NME3: variants seen among roughly 807,000 people sequenced by gnomAD.
NME3 encodes nucleoside diphosphate kinase C.
A neutral mutation model predicts 15.8 loss-of-function variants in NME3; 23 were observed. The ratio of observed to expected loss-of-function variants is 1.45; its 90% CI spans 1.05 to 2.06. NME3 has a LOEUF of 2.06. Among genes scored for constraint, NME3 ranks in the 30% most tolerant of loss-of-function variants. The pLI, the probability that NME3 is intolerant of heterozygous loss-of-function variation, is 0.00. For synonymous variants in NME3, 157 were observed against 104.4 expected (o/e 1.50, Z -3.07); for missense variants, 354 against 243.2 (o/e 1.46, Z -3.03).
At chr16:1,771,246 A>ACACCGCGCCCCCGCTCGCT (rs777708137) in intron 2 of NME3, 34 bp downstream of exon 2, 2 of 989,616 alleles carry the variant, frequency 2.0e-6, no homozygotes, top group African/African-American at 1.7e-5. Flanking sequence ...CCTTCCCCCC[A>ACACCGCGCCCCCGCTCGCT]CACCGCGCCC....
At position 1,771,513 on chromosome 16, in the gene NME3, T is replaced by C. The variant is rs2042603354; in HGVS notation, c.22A>G (p.Ile8Val). 1.6e-6 allele frequency: 2 copies of C among 1,277,560 alleles called. No individual in the cohort carries two copies. Among genetic ancestry groups the C allele is most frequent in the Non-Finnish European group, 2.0e-6 (2 of 999,590 alleles). The allele number at this position is 1,277,560 out of a possible 1,614,324, so 79.1% of individuals were successfully genotyped here. A position where few individuals can be genotyped will look rare whatever the true frequency, so the allele number is the denominator to read the frequency against. ...CCCGCGGGGAAGAGGTTAGCGAAGA[T>C]GGTCAGCACCAGGCAGATCATGATG... is the stretch of plus-strand genomic sequence containing the variant. MICLVLT[I>V]FANLFPAACT... Residue 8 changes from isoleucine (I) to valine (V), a missense_variant, in exon 1 of 5, where the codon ATC (isoleucine) becomes GTC (valine). Ile to Val is a conservative substitution (Grantham distance 29). Transcript: ENST00000219302.
intron 4 of NME3, 56 bp from the exon 5 acceptor site, chr16:1,770,822 C>G: frequency 7.6e-6 from 12 of 1,578,986 alleles, no homozygotes; most frequent in Middle Eastern, 1.7e-4. Flanking sequence ...ACGGGTACCA[C>G]GCAGGCTGAA....
rs1333922024 is a variant in NME3, at chr16:1,770,461, CAGGAAACCCTGTACGCCAGGG to C, written c.*167_*187del. 1.7e-5 allele frequency: 8 copies of C among 467,524 alleles called. No homozygotes were observed. The highest frequency in any genetic ancestry group is 2.2e-5 in the Non-Finnish European group (6 of 268,268). The allele number at this position is 467,524 out of a possible 1,614,324, so 29.0% of individuals were successfully genotyped here. ...CAGGCTCCTGGAGCAGCTCCTCGGGCAGGAAACCCTGTACGCCAGGGATTGGAGAGGCCTGCGCCACCCTCC... is the reference window on the plus strand; with the variant it reads ...CAGGCTCCTGGAGCAGCTCCTCGGGCATTGGAGAGGCCTGCGCCACCCTCC... On this transcript the variant is annotated 3_prime_UTR_variant, in exon 5 of 5. Coordinates refer to ENST00000219302, the MANE Select transcript of NME3 (RefSeq NM_002513.3).
In NME3 at chr16:1,771,264, C is replaced by G. The variant is rs749787588; in HGVS notation, c.177+16G>C. 4 of 1,593,602 alleles carry G rather than the reference C, an allele frequency of 2.5e-6. No individual in the cohort carries two copies. In the South Asian group the frequency reaches 4.5e-5, roughly 18 times the overall value. On this transcript the variant is annotated intron_variant, in intron 2 of 4. Transcript: ENST00000219302. The stretch of plus-strand genomic sequence containing the variant: ...TCCCCCCACACCGCGCCCCCGCTCG[C>G]TCACCGCGCCCCCACCTGCACCAGC...
chr16:1,771,414 C>A lies in NME3; in HGVS notation c.47-4G>T. 1 of 1,533,132 alleles carries A rather than the reference C, an allele frequency of 6.5e-7. No homozygotes were observed. The highest frequency in any genetic ancestry group is 2.5e-5 in the East Asian group (1 of 39,514). 95.0% of individuals were successfully genotyped at this position (1,533,132 alleles called of 1,614,324 possible). A position where few individuals can be genotyped will look rare whatever the true frequency, so the allele number is the denominator to read the frequency against. ...CGTTCGTGTGCGCCGGTGCAGGCTG[C>A]GGGGCAGGCGGGGACGGGCCGTCAG... On this transcript the variant is annotated splice_polypyrimidine_tract_variant and splice_region_variant and intron_variant, in intron 1 of 4. Coordinates refer to ENST00000219302, the MANE Select transcript of NME3 (RefSeq NM_002513.3).
chr16:1,770,752 C>T lies in NME3; in HGVS notation c.407G>A (p.Gly136Asp), dbSNP rs868333064. 2.5e-6 allele frequency: 4 copies of T among 1,600,728 alleles called. No individual in the cohort carries two copies. Among genetic ancestry groups the T allele is most frequent in the Admixed American group, 3.4e-5 (2 of 58,684 alleles). ...CIEVGKNLIH[G>D]SDSVESARRE... ...GCGGGCACTCTCCACCGAGTCGCTG[C>T]CGTGAATCAGGTTCCTGCGCGGAAG... The change falls in exon 5 of 5, where the codon GGC becomes GAC. Residue 136 changes from glycine (G) to aspartate (D), a missense_variant. Gly to Asp is a moderately conservative substitution (Grantham distance 94). Transcript: ENST00000219302.
At position 1,770,422 on chromosome 16, in the gene NME3, C is replaced by T. The variant is rs1596834127; in HGVS notation, c.*227G>A. The T allele has an allele frequency of 8.8e-6, 4 of 451,990 alleles. No homozygotes were observed. The East Asian group carries it at 1.4e-4, about 15-fold the overall frequency. 28.0% of individuals were successfully genotyped at this position (451,990 alleles called of 1,614,324 possible). On this transcript the variant is annotated 3_prime_UTR_variant, in exon 5 of 5. Coordinates refer to ENST00000219302, the MANE Select transcript of NME3 (RefSeq NM_002513.3). ...ACCAGGACAGTGTCCTGGCACGTTTCCAGGCGAGCCGCGCAGGCTCCTGGA... is the reference window on the plus strand; with the variant it reads ...ACCAGGACAGTGTCCTGGCACGTTTTCAGGCGAGCCGCGCAGGCTCCTGGA...
In NME3 at chr16:1,770,615, A is replaced by C; in HGVS notation, c.*34T>G. On this transcript the variant is annotated 3_prime_UTR_variant, in exon 5 of 5. Transcript: ENST00000219302. ...CCACCTGGGCCCTGGAGGAGGCTGG[A>C]GTGTGAGAGCCTCTGTGACGCGCAT... 1 of 1,505,844 alleles carries C rather than the reference A, an allele frequency of 6.6e-7. No individual in the cohort carries two copies. Among genetic ancestry groups the C allele is most frequent in the Non-Finnish European group, 9.0e-7 (1 of 1,109,840 alleles). 93.3% of individuals were successfully genotyped at this position (1,505,844 alleles called of 1,614,324 possible). A position where few individuals can be genotyped will look rare whatever the true frequency, so the allele number is the denominator to read the frequency against.
At chr16:1,771,227 C>A in intron 2 of NME3, 53 bp downstream of exon 2, 2 of 1,532,440 alleles carry the variant, frequency 1.3e-6, no homozygotes, top group Non-Finnish European at 1.8e-6. Flanking sequence ...GTCCCCAGGT[C>A]CCCGCTCCCC....
In NME3 at chr16:1,771,492, CG is replaced by C; in HGVS notation, c.42del (p.Ala15ArgfsTer14). 1 of 1,317,846 alleles carries C rather than the reference CG, an allele frequency of 7.6e-7. No homozygotes were observed. The highest frequency in any genetic ancestry group is 9.7e-7 in the Non-Finnish European group (1 of 1,035,288). 81.6% of individuals were successfully genotyped at this position (1,317,846 alleles called of 1,614,324 possible). ...LVLTIFANLF[P>X]AACTGAHERT... ...CGGCCCGCGCCGCGCGGCTCACCCG[CG>C]GGGAAGAGGTTAGCGAAGATGGTCA... On this transcript the variant is annotated frameshift_variant, in exon 1 of 5. Transcript: ENST00000219302. LOFTEE classifies it high-confidence loss of function.
rs764231247 is a variant in NME3 at position 1,771,180 on chromosome 16, G to T, written c.178-9C>A. On this transcript the variant is annotated splice_polypyrimidine_tract_variant and intron_variant, in intron 2 of 4. Transcript: ENST00000219302. ...AGCAGCTCCTCGGAGGCCTGCGGAA[G>T]GGTCAGGCCGCCTGCGCCCGCACCC... 6.3e-7 allele frequency: 1 copy of T among 1,592,328 alleles called. No homozygotes were observed.
chr16:1,771,435 G>C, intron 1 of NME3, 25 bp from the exon 2 acceptor site: 5 of 1,510,632 alleles, frequency 3.3e-6, no homozygotes, highest in Non-Finnish European at 4.4e-6. Flanking sequence ...GGGACGGGCC[G>C]TCAGGCCGGC....
rs114374496 is a variant in NME3, at chr16:1,770,531, G to A, written c.*118C>T. 1,781 of 742,600 alleles carry A rather than the reference G, an allele frequency of 2.4e-3. 24 individuals are homozygous for A. In the African/African-American group the frequency reaches 0.029, roughly 12 times the overall value. The allele number at this position is 742,600 out of a possible 1,614,324, so 46.0% of individuals were successfully genotyped here. On this transcript the variant is annotated 3_prime_UTR_variant, in exon 5 of 5. Transcript: ENST00000219302. Reference sequence around the variant, plus strand: ...CCATGCAACGTCCAGACAGGTGGATGTTCAGCAGCCCGTCCAAAGGGATGC... The same window carrying A: ...CCATGCAACGTCCAGACAGGTGGATATTCAGCAGCCCGTCCAAAGGGATGC...
Position 1,771,473 on chromosome 16 carries a change from G to C in NME3, c.46+16C>G. 7.5e-7 allele frequency: 1 copy of C among 1,329,056 alleles called. No homozygotes were observed. Among genetic ancestry groups the C allele is most frequent in the Non-Finnish European group, 9.6e-7 (1 of 1,044,282 alleles). The allele number at this position is 1,329,056 out of a possible 1,614,324, so 82.3% of individuals were successfully genotyped here. A position where few individuals can be genotyped will look rare whatever the true frequency, so the allele number is the denominator to read the frequency against. ...AGCACCGGCCACCCGCCCCCGGCCC[G>C]CGCCGCGCGGCTCACCCGCGGGGAA... On this transcript the variant is annotated intron_variant, in intron 1 of 4. Transcript: ENST00000219302.
chr16:1,771,417 G>C lies in NME3; in HGVS notation c.47-7C>G. 2 of 1,533,724 alleles carry C rather than the reference G, an allele frequency of 1.3e-6. No individual in the cohort carries two copies. Among genetic ancestry groups the C allele is most frequent in the Non-Finnish European group, 1.8e-6 (2 of 1,141,988 alleles). On this transcript the variant is annotated splice_polypyrimidine_tract_variant and splice_region_variant and intron_variant, in intron 1 of 4. Coordinates refer to ENST00000219302, the MANE Select transcript of NME3 (RefSeq NM_002513.3). ...TCGTGTGCGCCGGTGCAGGCTGCGGGGCAGGCGGGGACGGGCCGTCAGGCC... is the reference window on the plus strand; with the variant it reads ...TCGTGTGCGCCGGTGCAGGCTGCGGCGCAGGCGGGGACGGGCCGTCAGGCC...
rs200610315 is a variant in NME3, at chr16:1,770,616, G to A, written c.*33C>T. The A allele has an allele frequency of 4.6e-4, 690 of 1,513,290 alleles. 5 individuals carry two copies. The African/African-American group carries it at 8.0e-3, about 18-fold the overall frequency. The allele number at this position is 1,513,290 out of a possible 1,614,324, so 93.7% of individuals were successfully genotyped here. ...CACCTGGGCCCTGGAGGAGGCTGGA[G>A]TGTGAGAGCCTCTGTGACGCGCATC... On this transcript the variant is annotated 3_prime_UTR_variant, in exon 5 of 5. Transcript: ENST00000219302.
chr16:1,771,245 C>T lies in NME3; in HGVS notation c.177+35G>A, dbSNP rs531080765. 2.3e-5 allele frequency: 37 copies of T among 1,580,474 alleles called. No homozygotes were observed. The African/African-American group carries it at 4.3e-4, about 18-fold the overall frequency. ...CCCAGGTCCCCGCTCCCCTTCCCCC[C>T]ACACCGCGCCCCCGCTCGCTCACCG... On this transcript the variant is annotated intron_variant, in intron 2 of 4. Coordinates refer to ENST00000219302, the MANE Select transcript of NME3 (RefSeq NM_002513.3).
rs552834368 is a variant in NME3, at chr16:1,771,515, G to A, written c.20C>T (p.Thr7Ile). The A allele has an allele frequency of 1.6e-3, 2,078 of 1,265,362 alleles. 6 individuals carry two copies. The highest frequency in any genetic ancestry group is 1.9e-3 in the Non-Finnish European group (1,843 of 988,148). The allele number at this position is 1,265,362 out of a possible 1,614,324, so 78.4% of individuals were successfully genotyped here. ...CGCGGGGAAGAGGTTAGCGAAGATG[G>A]TCAGCACCAGGCAGATCATGATGGC... MICLVL[T>I]IFANLFPAAC... Residue 7 changes from threonine (T) to isoleucine (I), a missense_variant, in exon 1 of 5, where the codon ACC becomes ATC. Thr to Ile is a moderately conservative substitution (Grantham distance 89, BLOSUM62 -1). Transcript: ENST00000219302.
In NME3 at chr16:1,770,440, C is replaced by T. The variant is rs2042552897; in HGVS notation, c.*209G>A. ...CACGTTTCCAGGCGAGCCGCGCAGGCTCCTGGAGCAGCTCCTCGGGCAGGA... is the reference window on the plus strand; with the variant it reads ...CACGTTTCCAGGCGAGCCGCGCAGGTTCCTGGAGCAGCTCCTCGGGCAGGA... On this transcript the variant is annotated 3_prime_UTR_variant, in exon 5 of 5. Transcript: ENST00000219302. 2 of 469,450 alleles carry T rather than the reference C, an allele frequency of 4.3e-6. No individual in the cohort carries two copies. Among genetic ancestry groups the T allele is most frequent in the South Asian group, 8.4e-5 (2 of 23,752 alleles). The allele number at this position is 469,450 out of a possible 1,614,324, so 29.1% of individuals were successfully genotyped here. A position where few individuals can be genotyped will look rare whatever the true frequency, so the allele number is the denominator to read the frequency against.
Sources: gnomAD v4.1 joint callset for allele counts on GRCh38, gnomAD v4.1.1 for gene constraint, MANE v1.5 for transcripts, NCBI Gene and HGNC (gene_info 2026-07-23, HGNC 2026-07-21) for gene names.